Variants in ABL1 observed in about 807,000 individuals in gnomAD.
ABL1 encodes tyrosine-protein kinase ABL1.
ABL1 carries 11 observed loss-of-function variants against 94.7 expected under a neutral mutation model. The ratio of observed to expected loss-of-function variants is 0.12; its 90% confidence interval spans 0.07 to 0.19. The LOEUF (loss-of-function observed/expected upper bound fraction) is 0.19. Ranked by LOEUF, ABL1 falls within the 10% of genes least tolerant of loss-of-function variation. The probability of loss-of-function intolerance (pLI) is 1.00; values close to 1 mark genes in which losing one functional copy is unlikely to be tolerated. For synonymous variants in ABL1, 656 were observed against 622.4 expected (o/e 1.05, Z -0.80); for missense variants, 1,082 against 1,489.4 (o/e 0.73, Z 4.50).
rs906167029 is a variant in ABL1 at position 130,794,022 on chromosome 9, A to G, written c.137-60042A>G. Among the ~76,000 whole-genome samples the G allele has an allele frequency of 6.0e-4, 92 of 152,258 alleles. 2 individuals are homozygous for G. The highest frequency in any genetic ancestry group is 2.2e-3 in the African/African-American group (90 of 41,540). On this transcript the variant is annotated intron_variant, in intron 1 of 10. Transcript: ENST00000372348. ...GCAGGAAAACAAGCTCAGGGCTCCC[A>G]CTGATTCTACATTACAGTGGGTTGT...
intron 1 of ABL1, among the ~76,000 whole-genome samples, chr9:130,786,491 C>A (rs1829827750): frequency 1.3e-5 from 2 of 152,166 alleles, no homozygotes; most frequent in South Asian, 4.1e-4. Flanking sequence ...GTTAATAATT[C>A]TTTTATTAAA....
intron 1 of ABL1, among the ~76,000 whole-genome samples, chr9:130,737,068 G>A (rs1199434345): frequency 6.6e-6 from 1 of 151,966 alleles, no homozygotes; most frequent in East Asian, 1.9e-4. Context: ...AATTTAATTG[G>A]TCTGGGGAGA....
intron 1 of ABL1, chr9:130,724,747 T>TAAAAAAAA (rs34124679): frequency 9.7e-6 from 3 of 310,244 alleles, no homozygotes; most frequent in South Asian, 5.0e-5. Flanking sequence ...ACCCTGTCTT[T>TAAAAAAAA]AAAAAAAAAA....
chr9:130,794,242 T>C (rs1829945453), intron 1 of ABL1, among the ~76,000 whole-genome samples: 2 of 152,140 alleles, frequency 1.3e-5, no homozygotes, highest in African/African-American at 2.4e-5. Context: ...ATTACTATCT[T>C]GTTGAATTAA....
intron 1 of ABL1, among the ~76,000 whole-genome samples, chr9:130,788,935 C>T (rs532195871): frequency 9.7e-4 from 148 of 152,226 alleles, no homozygotes; most frequent in Non-Finnish European, 1.2e-3. Context: ...TGTCTGGTTC[C>T]TTCATTGGAT....
intron 1 of ABL1, among the ~76,000 whole-genome samples, chr9:130,842,728 G>A (rs1830694648): frequency 6.6e-6 from 1 of 152,220 alleles, no homozygotes; most frequent in African/African-American, 2.4e-5. Context: ...GCCATGGCTG[G>A]CAGCAGAAGG....
intron 1 of ABL1, among the ~76,000 whole-genome samples, chr9:130,717,054 C>T (rs2248164): frequency 0.2 from 30,429 of 151,742 alleles, 3,590 homozygotes; most frequent in Middle Eastern, 0.39. Context: ...CTTTTTTGTT[C>T]GTTTTTGCGA....
intron 1 of ABL1, among the ~76,000 whole-genome samples, chr9:130,779,500 T>C (rs968209075): frequency 6.6e-6 from 1 of 152,184 alleles, no homozygotes; most frequent in African/African-American, 2.4e-5. Context: ...GTCTGTAAAA[T>C]CTTGAGATAT....
intron 3 of ABL1, among the ~76,000 whole-genome samples, chr9:130,857,311 G>T (rs3780286): frequency 6.6e-6 from 1 of 152,096 alleles, no homozygotes; most frequent in Non-Finnish European, 1.5e-5. Context: ...CCATGAAAGG[G>T]CTTGTTTCCC....
chr9:130,832,127 A>AT (rs11442726), upstream of ABL1, among the ~76,000 whole-genome samples: 57,323 of 141,926 alleles, frequency 0.4, 11,526 homozygotes, highest in Middle Eastern at 0.44. Flanking sequence ...CCTTCTAAAT[A>AT]TTTTTTTTTT....
chr9:130,809,101 G>A (rs1328755598), intron 1 of ABL1, among the ~76,000 whole-genome samples: 2 of 152,140 alleles, frequency 1.3e-5, no homozygotes, highest in Non-Finnish European at 2.9e-5. Context: ...AGAGTTCACA[G>A]GCAGAGAAAC....
intron 1 of ABL1, among the ~76,000 whole-genome samples, chr9:130,827,486 A>G (rs1383885715): frequency 6.6e-6 from 1 of 152,224 alleles, no homozygotes; most frequent in Non-Finnish European, 1.5e-5. Context: ...AAATCTCTCT[A>G]GGCATTAGAG....
intron 1 of ABL1, among the ~76,000 whole-genome samples, chr9:130,763,220 A>G (rs1453501192): frequency 6.6e-6 from 1 of 151,982 alleles, no homozygotes; most frequent in Non-Finnish European, 1.5e-5. Flanking sequence ...ATTGAATCCA[A>G]GTGAAGTGAC....
chr9:130,886,002 C>G lies in ABL1; in HGVS notation c.*319C>G, dbSNP rs1402881890. On this transcript the variant is annotated 3_prime_UTR_variant, in exon 11 of 11. Transcript: ENST00000318560. ...CACCTAGTGCCCCAGACTGAGCTCTCCAGGCCAGGTGGGAACGGCTGATGT... is the reference window on the plus strand; with the variant it reads ...CACCTAGTGCCCCAGACTGAGCTCTGCAGGCCAGGTGGGAACGGCTGATGT... 5.5e-6 allele frequency: 2 copies of G among 366,226 alleles called. No homozygotes were observed. Among genetic ancestry groups the G allele is most frequent in the Non-Finnish European group, 9.9e-6 (2 of 201,906 alleles). The allele number at this position is 366,226 out of a possible 1,614,324, so 22.7% of individuals were successfully genotyped here. A position where few individuals can be genotyped will look rare whatever the true frequency, so the allele number is the denominator to read the frequency against.
chr9:130,859,940 A>G (rs1021350985), intron 3 of ABL1, among the ~76,000 whole-genome samples: 5 of 151,870 alleles, frequency 3.3e-5, no homozygotes, highest in South Asian at 4.1e-4. Context: ...TGGCCTCCCA[A>G]AGTGCTGGGA....
intron 1 of ABL1, among the ~76,000 whole-genome samples, chr9:130,723,325 T>C (rs1588210624): frequency 6.6e-6 from 1 of 152,130 alleles, no homozygotes; most frequent in East Asian, 1.9e-4. Context: ...GGGACGGTCC[T>C]CTGAGACCAG....
rs11300328 is a variant in ABL1 at position 130,730,998 on chromosome 9, CTTTTTTTTT to C, written c.136+16561_136+16569del. Among the ~76,000 whole-genome samples the C allele has an allele frequency of 1.8e-3, 116 of 64,504 alleles. 2 individuals are homozygous for C. In the East Asian group the frequency reaches 0.052, roughly 29 times the overall value. The allele number at this position is 64,504 out of a possible 152,430, so 42.3% of individuals were successfully genotyped here. Reference sequence around the variant, plus strand: ...CATTGTGCGTTTTCACTCTATCTCTCTTTTTTTTTTTTTTTTTTTTTTTTTTGAGACAGA... The same window carrying C: ...CATTGTGCGTTTTCACTCTATCTCTCTTTTTTTTTTTTTTTTTGAGACAGA... On this transcript the variant is annotated intron_variant, in intron 1 of 10. Transcript: ENST00000372348.
intron 1 of ABL1, among the ~76,000 whole-genome samples, chr9:130,749,567 T>C (rs754109967): frequency 6.6e-6 from 1 of 152,194 alleles, no homozygotes. Context: ...TTTACAAATA[T>C]TTGCTTCTAG....
At chr9:130,717,872 G>A (rs980478773) in intron 1 of ABL1, among the ~76,000 whole-genome samples, 4 of 152,036 alleles carry the variant, frequency 2.6e-5, no homozygotes, top group Non-Finnish European at 5.9e-5. Context: ...AATTAGCCGG[G>A]CGTGGTGGCA....
Sources: allele counts gnomAD v4.1 joint callset (sites outside exome capture counted in the v4.1 genomes callset), GRCh38; gene constraint gnomAD v4.1.1; transcripts MANE v1.5; gene names NCBI Gene and HGNC (gene_info 2026-07-23, HGNC 2026-07-21).